Variants in SMAD2 observed in about 807,000 individuals in gnomAD.
SMAD2 encodes the protein MAD homolog 2.
Under a neutral mutation model 64.4 loss-of-function variants are expected in SMAD2, and 8 were observed. The observed-to-expected ratio is 0.12, with a 90% CI of 0.07 to 0.22. The LOEUF (loss-of-function observed/expected upper bound fraction) is 0.22. Ranked by LOEUF, SMAD2 falls within the 10% of genes least tolerant of loss-of-function variation. The pLI, the probability that SMAD2 is intolerant of heterozygous loss-of-function variation, is 1.00. For missense variants in SMAD2, 289 were observed against 561.2 expected, an observed-to-expected ratio of 0.51 and a Z score of 4.90; for synonymous variants, 203 against 195.8, an observed-to-expected ratio of 1.04 and a Z score of -0.31.
At position 47,887,570 on chromosome 18, in the gene SMAD2, C is replaced by T. The variant is rs1030124583; in HGVS notation, c.236+8951G>A. ...CTTCAACCAAGTATGGCCTCTTGAT[C>T]CTTTCAAGGTAAGCCAACTTCAACT... On this transcript the variant is annotated intron_variant, in intron 2 of 10. Transcript: ENST00000262160. 3.9e-5 allele frequency among the ~76,000 whole-genome samples: 6 copies of T among 152,172 alleles called. No individual in the cohort carries two copies. The South Asian group carries it at 6.2e-4, about 16-fold the overall frequency.
In SMAD2 at chr18:47,890,477, A is replaced by C. The variant is rs377530091; in HGVS notation, c.236+6044T>G. ...TGAAAAACAAAAATAGAGAACGAAG[A>C]CCTAGAATATCTGAATATTTCCAAT... On this transcript the variant is annotated intron_variant, in intron 2 of 10. Transcript: ENST00000262160. 1.3e-4 allele frequency among the ~76,000 whole-genome samples: 20 copies of C among 152,344 alleles called. No individual in the cohort carries two copies. The East Asian group carries it at 1.7e-3, about 13-fold the overall frequency.
chr18:47,860,012 G>A (rs1314161840), intron 6 of SMAD2, among the ~76,000 whole-genome samples: 1 of 152,080 alleles, frequency 6.6e-6, no homozygotes, highest in African/African-American at 2.4e-5. Flanking sequence ...GCATGTACCT[G>A]TGGTCCCAGC....
chr18:47,851,201 C>T (rs931810479), intron 7 of SMAD2, 73 bp downstream of exon 7: 5 of 1,056,456 alleles, frequency 4.7e-6, no homozygotes, highest in Non-Finnish European at 7.4e-6. Flanking sequence ...AAAAATAACT[C>T]CTAGAGATGA....
chr18:47,897,862 T>C (rs2033509439), intron 1 of SMAD2, among the ~76,000 whole-genome samples: 2 of 152,136 alleles, frequency 1.3e-5, no homozygotes, highest in South Asian at 4.1e-4. Flanking sequence ...TCAATTTTAG[T>C]GAGATATAGG....
At chr18:47,906,222 C>T (rs12968107) in intron 1 of SMAD2, among the ~76,000 whole-genome samples, 83,574 of 151,914 alleles carry the variant, frequency 0.55, 23,416 homozygotes, top group East Asian at 0.8. Flanking sequence ...TTCTTGAGTA[C>T]CAACATGACA....
At chr18:47,842,001 G>C in intron 10 of SMAD2, 51 bp from the exon 11 acceptor site, 2 of 1,604,232 alleles carry the variant, frequency 1.2e-6, no homozygotes, top group Non-Finnish European at 1.7e-6. Flanking sequence ...TCCACAGGCA[G>C]GGAAAATGGC....
intron 2 of SMAD2, among the ~76,000 whole-genome samples, chr18:47,872,281 A>G (rs767243065): frequency 6.6e-6 from 1 of 152,222 alleles, no homozygotes; most frequent in Non-Finnish European, 1.5e-5. Flanking sequence ...GCCTGTTTAC[A>G]TAATAAAAAA....
intron 6 of SMAD2, among the ~76,000 whole-genome samples, chr18:47,852,615 C>A (rs940062064): frequency 1.3e-5 from 2 of 152,078 alleles, no homozygotes; most frequent in Non-Finnish European, 2.9e-5. Flanking sequence ...TGGTAGAATT[C>A]TTCTGTGAAA....
rs1912893977 is a variant in SMAD2, at chr18:47,829,219, T to C, written c.*12608A>G. On this transcript the variant is annotated 3_prime_UTR_variant, in exon 11 of 11. Transcript: ENST00000262160. The stretch of plus-strand genomic sequence containing the variant: ...AATTTCAAACTTATCTAAAAGGAAA[T>C]AGAATACAACAAAGCTCCCTTACCC... 1.3e-5 allele frequency: 2 copies of C among 152,110 alleles called. No homozygotes were observed. The highest frequency in any genetic ancestry group is 1.3e-4 in the Admixed American group (2 of 15,262). The allele number at this position is 152,110 out of a possible 1,614,324, so 9.4% of individuals were successfully genotyped here.
At chr18:47,893,067 C>A (rs536435594) in intron 2 of SMAD2, among the ~76,000 whole-genome samples, 2 of 152,146 alleles carry the variant, frequency 1.3e-5, no homozygotes, top group Non-Finnish European at 2.9e-5. Flanking sequence ...TCTGATTTCA[C>A]GACCAAGTTG....
Position 47,896,806 on chromosome 18 carries a change from G to T in SMAD2, c.-50C>A. 1 of 1,582,474 alleles carries T rather than the reference G, an allele frequency of 6.3e-7. No homozygotes were observed. On this transcript the variant is annotated 5_prime_UTR_variant, in exon 2 of 11. Coordinates refer to ENST00000262160, the MANE Select transcript of SMAD2 (RefSeq NM_005901.6). Reference sequence around the variant, plus strand: ...CGCTAGGAAAACAGCCTCTTGTATCGAACCTAGCAGAAATATTGAAAGGAT... The same window carrying T: ...CGCTAGGAAAACAGCCTCTTGTATCTAACCTAGCAGAAATATTGAAAGGAT...
At chr18:47,911,093 T>C in intron 1 of SMAD2, among the ~76,000 whole-genome samples, 1 of 151,984 alleles carries the variant, frequency 6.6e-6, no homozygotes, top group East Asian at 1.9e-4. Flanking sequence ...GGCTCACGCC[T>C]GTAATCCCAG....
intron 1 of SMAD2, among the ~76,000 whole-genome samples, chr18:47,917,218 C>G (rs2034373703): frequency 6.6e-6 from 1 of 152,078 alleles, no homozygotes; most frequent in African/African-American, 2.4e-5. Context: ...TTAAATCTAC[C>G]CTTTCATAAA....
chr18:47,922,706 C>G (rs1455976801), intron 1 of SMAD2: 4 of 152,280 alleles, frequency 2.6e-5, no homozygotes, highest in South Asian at 4.1e-4. Context: ...AATTGTATAA[C>G]TGTTTTAGTC....
In SMAD2 at chr18:47,849,947, C is replaced by G. The variant is rs568329252; in HGVS notation, c.785-1260G>C. On this transcript the variant is annotated intron_variant, in intron 7 of 10. Transcript: ENST00000262160. ...GCTTGAACCCAGGAGGCAGAGGTTG[C>G]AGTGAGCCGAGATTGCGCCACTGCA... Among the ~76,000 whole-genome samples the G allele has an allele frequency of 3.3e-5, 5 of 151,636 alleles. No individual in the cohort carries two copies. In the South Asian group the frequency reaches 1.0e-3, roughly 32 times the overall value.
intron 7 of SMAD2, among the ~76,000 whole-genome samples, chr18:47,850,736 AATATATATTATATATTAT>A (rs2029885345): frequency 3.8e-5 from 1 of 26,046 alleles, no homozygotes; most frequent in Non-Finnish European, 6.1e-5. Context: ...TATTATGTAT[AATATATATTATATATTAT>A]ATATATATTA....
intron 2 of SMAD2, among the ~76,000 whole-genome samples, chr18:47,879,276 T>C (rs1009292290): frequency 3.9e-5 from 6 of 152,184 alleles, no homozygotes; most frequent in Non-Finnish European, 5.9e-5. Flanking sequence ...GATGCATACA[T>C]TGTACACTTC....
At chr18:47,888,723 A>G (rs942127407) in intron 2 of SMAD2, among the ~76,000 whole-genome samples, 4 of 152,190 alleles carry the variant, frequency 2.6e-5, no homozygotes, top group Admixed American at 6.5e-5. Flanking sequence ...CTCTGGGGAG[A>G]GCATTATTTG....
chr18:47,850,468 T>C lies in SMAD2; in HGVS notation c.784+806A>G, dbSNP rs1274781839. On this transcript the variant is annotated intron_variant, in intron 7 of 10. Transcript: ENST00000262160. The stretch of plus-strand genomic sequence containing the variant: ...AATATATATTATATATTATACATAA[T>C]ATATATTATATATTATATATTATGT... Among the ~76,000 whole-genome samples, 20 of 24,044 alleles carry C rather than the reference T, an allele frequency of 8.3e-4. 6 individuals carry two copies. Among genetic ancestry groups the C allele is most frequent in the Admixed American group, 1.1e-3 (1 of 876 alleles). 15.8% of individuals were successfully genotyped at this position (24,044 alleles called of 152,430 possible). A position where few individuals can be genotyped will look rare whatever the true frequency, so the allele number is the denominator to read the frequency against.
Sources: gnomAD v4.1 joint callset for allele counts (sites outside exome capture counted in the v4.1 genomes callset) on GRCh38, gnomAD v4.1.1 for gene constraint, MANE v1.5 for transcripts, NCBI Gene and HGNC (gene_info 2026-07-23, HGNC 2026-07-21) for gene names.